Variants in MDGA2 observed in about 807,000 individuals in gnomAD.
The protein encoded by MDGA2 is MAM domain-containing glycosylphosphatidylinositol anchor protein 2.
In MDGA2, 40 loss-of-function variants were observed where a neutral mutation model predicts 117.8. That is an observed-to-expected ratio of 0.34 (90% CI 0.26 to 0.44). The LOEUF is 0.44. Among genes scored for constraint, MDGA2 ranks in the 20% least tolerant of loss-of-function variants. The probability of loss-of-function intolerance (pLI) is 1.00; values close to 1 mark genes in which losing one functional copy is unlikely to be tolerated. For synonymous variants in MDGA2, 452 were observed against 439.0 expected, an observed-to-expected ratio of 1.03 and a Z score of -0.37; for missense variants, 1,123 against 1,250.6, an observed-to-expected ratio of 0.90 and a Z score of 1.54.
chr14:47,551,903 A>G (rs1594913066), intron 1 of MDGA2, among the ~76,000 whole-genome samples: 1 of 152,164 alleles, frequency 6.6e-6, no homozygotes, highest in East Asian at 1.9e-4. Flanking sequence ...TATATGTGAA[A>G]GAGGAAAGTG....
At chr14:47,068,153 G>A (rs750540851) in intron 6 of MDGA2, among the ~76,000 whole-genome samples, 83 of 152,144 alleles carry the variant, frequency 5.5e-4, no homozygotes, top group Non-Finnish European at 8.4e-4. Context: ...AATTAGTACA[G>A]TTAATCATTT....
chr14:46,979,326 G>A (rs1886581909), intron 8 of MDGA2, among the ~76,000 whole-genome samples: 1 of 151,874 alleles, frequency 6.6e-6, no homozygotes, highest in Non-Finnish European at 1.5e-5. Context: ...TCTTCCCTGA[G>A]ACACAACAGT....
intron 8 of MDGA2, among the ~76,000 whole-genome samples, chr14:46,969,452 T>A (rs1457155432): frequency 3.3e-5 from 5 of 152,204 alleles, no homozygotes; most frequent in Non-Finnish European, 7.3e-5. Flanking sequence ...CTAACTGGTG[T>A]GAGATGATAT....
rs538647467 is a variant in MDGA2 at position 47,665,693 on chromosome 14, G to A, written c.280+8824C>T. 2.9e-5 allele frequency among the ~76,000 whole-genome samples: 4 copies of A among 139,194 alleles called. No homozygotes were observed. In the South Asian group the frequency reaches 9.1e-4, roughly 32 times the overall value. The allele number at this position is 139,194 out of a possible 152,430, so 91.3% of individuals were successfully genotyped here. A position where few individuals can be genotyped will look rare whatever the true frequency, so the allele number is the denominator to read the frequency against. On this transcript the variant is annotated intron_variant, in intron 1 of 16. Coordinates refer to ENST00000399232, the MANE Select transcript of MDGA2 (RefSeq NM_001113498.3). Reference sequence around the variant, plus strand: ...ACCTGGGCCAGCAGCTGTGGAGGGTGTGCCAGGTCCCCCAGCACTGCTGGC... The same window carrying A: ...ACCTGGGCCAGCAGCTGTGGAGGGTATGCCAGGTCCCCCAGCACTGCTGGC...
chr14:47,050,745 T>G (rs150734580), intron 7 of MDGA2, among the ~76,000 whole-genome samples: 44 of 152,050 alleles, frequency 2.9e-4, no homozygotes, highest in African/African-American at 9.6e-4. Flanking sequence ...CTAAAGAAAT[T>G]TTAATGTAGC....
intron 1 of MDGA2, among the ~76,000 whole-genome samples, chr14:47,316,995 G>A (rs1889828521): frequency 6.6e-6 from 1 of 152,034 alleles, no homozygotes. Flanking sequence ...TTTTTGACAA[G>A]TTCTCATGTC....
chr14:47,189,151 A>G (rs1885018704), intron 3 of MDGA2, among the ~76,000 whole-genome samples: 1 of 152,036 alleles, frequency 6.6e-6, no homozygotes, highest in Admixed American at 6.6e-5. Flanking sequence ...ATCTCACTCT[A>G]TCCTGTGGCA....
intron 6 of MDGA2, among the ~76,000 whole-genome samples, chr14:47,085,369 T>A (rs1890859662): frequency 6.6e-6 from 1 of 152,162 alleles, no homozygotes; most frequent in East Asian, 1.9e-4. Context: ...AAATGTTGGC[T>A]CTTTAAAGTA....
intron 9 of MDGA2, among the ~76,000 whole-genome samples, chr14:46,940,587 C>T (rs1398638155): frequency 6.8e-6 from 1 of 147,226 alleles, no homozygotes; most frequent in Non-Finnish European, 1.5e-5. Flanking sequence ...AAGATCATGC[C>T]ATTGCACTAC....
intron 1 of MDGA2, among the ~76,000 whole-genome samples, chr14:47,649,395 G>A (rs552132123): frequency 6.6e-6 from 1 of 152,280 alleles, no homozygotes; most frequent in South Asian, 2.1e-4. Context: ...TGTATAAATG[G>A]CAAACAAGTC....
At chr14:47,494,107 G>T (rs145196719) in intron 1 of MDGA2, among the ~76,000 whole-genome samples, 16 of 152,270 alleles carry the variant, frequency 1.1e-4, no homozygotes, top group South Asian at 2.1e-4. Flanking sequence ...ATGTGAAGAA[G>T]TACATGTTTG....
intron 9 of MDGA2, among the ~76,000 whole-genome samples, chr14:46,948,414 G>C (rs1171985954): frequency 6.6e-6 from 1 of 151,908 alleles, no homozygotes; most frequent in African/African-American, 2.4e-5. Context: ...GGAGAGATCT[G>C]GTTGCAGTAT....
intron 5 of MDGA2, among the ~76,000 whole-genome samples, chr14:47,126,878 T>C (rs560318068): frequency 2.6e-5 from 4 of 152,252 alleles, no homozygotes; most frequent in Admixed American, 2.6e-4. Flanking sequence ...TAGTATACAT[T>C]GTTTCCATCT....
intron 1 of MDGA2, among the ~76,000 whole-genome samples, chr14:47,504,965 A>T (rs1894480732): frequency 6.6e-6 from 1 of 152,184 alleles, no homozygotes. Context: ...CAACAAATTA[A>T]TGGATAAAAA....
At chr14:47,332,181 T>C (rs1208709795) in intron 1 of MDGA2, among the ~76,000 whole-genome samples, 1 of 152,022 alleles carries the variant, frequency 6.6e-6, no homozygotes, top group Non-Finnish European at 1.5e-5. Flanking sequence ...TACAAGGTGA[T>C]CATATTCATT....
chr14:47,558,416 A>ATGAC (rs1156361832), intron 1 of MDGA2, among the ~76,000 whole-genome samples: 3 of 152,304 alleles, frequency 2.0e-5, no homozygotes, highest in Middle Eastern at 3.4e-3. Context: ...CTTACTGAAA[A>ATGAC]TGACTGACTC....
At chr14:47,140,077 C>T (rs1284606986) in intron 4 of MDGA2, among the ~76,000 whole-genome samples, 1 of 151,502 alleles carries the variant, frequency 6.6e-6, no homozygotes, top group Admixed American at 6.6e-5. Context: ...GTTAAGAAGG[C>T]CTCTGCCATA....
chr14:47,158,699 C>T (rs758278785), intron 3 of MDGA2, among the ~76,000 whole-genome samples: 11 of 152,152 alleles, frequency 7.2e-5, no homozygotes, highest in Non-Finnish European at 1.5e-4. Flanking sequence ...AGGTGATCAG[C>T]GTGCCTCGGC....
intron 1 of MDGA2, among the ~76,000 whole-genome samples, chr14:47,382,882 C>T (rs1362931515): frequency 1.3e-5 from 2 of 152,178 alleles, no homozygotes; most frequent in African/African-American, 4.8e-5. Flanking sequence ...ATAAATCATG[C>T]TGCTATAAAG....
Sources: allele counts gnomAD v4.1 joint callset (sites outside exome capture counted in the v4.1 genomes callset), GRCh38; gene constraint gnomAD v4.1.1; transcripts MANE v1.5; gene names NCBI Gene and HGNC (gene_info 2026-07-23, HGNC 2026-07-21).